The following SPAG17 variants were observed in gnomAD, a reference collection of about 807,000 sequenced individuals.
SPAG17 encodes the protein sperm-associated antigen 17.
In SPAG17, 169 loss-of-function variants were observed where a neutral mutation model predicts 273.6. That is an observed-to-expected ratio of 0.62 (90% CI 0.55 to 0.70). The LOEUF (loss-of-function observed/expected upper bound fraction) is 0.70, where lower values mean the gene tolerates loss of function less well. Ranked by LOEUF, SPAG17 falls within the 30% of genes least tolerant of loss-of-function variation. SPAG17 has a pLI of 0.00. For synonymous variants in SPAG17, 825 were observed against 873.2 expected, an observed-to-expected ratio of 0.94 and a Z score of 0.97; for missense variants, 2,557 against 2,627.8, an observed-to-expected ratio of 0.97 and a Z score of 0.59.
At chr1:118,097,579 C>T in intron 7 of SPAG17, 91 bp downstream of exon 7, 1 of 1,028,066 alleles carries the variant, frequency 9.7e-7, no homozygotes, top group Non-Finnish European at 1.4e-6. Flanking sequence ...AATCAGCGCT[C>T]AGTAACTATC....
intron 29 of SPAG17, among the ~76,000 whole-genome samples, chr1:118,015,061 G>T (rs139649934): frequency 6.6e-6 from 1 of 151,888 alleles, no homozygotes; most frequent in Non-Finnish European, 1.5e-5. Context: ...GAGGCGGGCC[G>T]ATCACCTGAA....
At chr1:117,973,285 C>T in intron 44 of SPAG17, 140 bp downstream of exon 44, 1 of 1,064,454 alleles carries the variant, frequency 9.4e-7, no homozygotes, top group Non-Finnish European at 1.3e-6. Context: ...TAGCAGTACA[C>T]AGTGGCCGGA....
At chr1:118,118,960 G>A (rs1657258345) in intron 3 of SPAG17, among the ~76,000 whole-genome samples, 1 of 151,962 alleles carries the variant, frequency 6.6e-6, no homozygotes, top group South Asian at 2.1e-4. Context: ...TTATTTCCTT[G>A]CCTGAGGATC....
chr1:118,072,482 A>G (rs533030026), intron 17 of SPAG17, among the ~76,000 whole-genome samples: 1 of 152,328 alleles, frequency 6.6e-6, no homozygotes, highest in Admixed American at 6.5e-5. Flanking sequence ...TGGGAGAGAT[A>G]TCACTAATAC....
chr1:118,143,936 C>A (rs1387649680), intron 3 of SPAG17, among the ~76,000 whole-genome samples: 1 of 152,144 alleles, frequency 6.6e-6, no homozygotes, highest in Admixed American at 6.5e-5. Flanking sequence ...TAGCCAGCAA[C>A]CCAGTCCTTG....
At chr1:118,023,524 A>C (rs1159148226) in intron 27 of SPAG17, 61 bp from the exon 28 acceptor site, 3 of 1,517,548 alleles carry the variant, frequency 2.0e-6, no homozygotes, top group Non-Finnish European at 1.8e-6. Flanking sequence ...GTTTAACAAT[A>C]AACGCTGTGT....
intron 48 of SPAG17, chr1:117,954,471 C>T (rs1651869239): frequency 1.9e-6 from 2 of 1,079,428 alleles, no homozygotes; most frequent in Non-Finnish European, 1.3e-6. Context: ...TTTTTAGGGT[C>T]TCTTTTTTCC....
intron 40 of SPAG17, among the ~76,000 whole-genome samples, chr1:117,986,433 TTC>T (rs1432347969): frequency 1.3e-5 from 2 of 152,244 alleles, no homozygotes; most frequent in African/African-American, 4.8e-5. Flanking sequence ...CCAGTTCATT[TTC>T]CACATTGCCA....
At chr1:118,089,308 A>G (rs139851875) in intron 10 of SPAG17, among the ~76,000 whole-genome samples, 3 of 131,760 alleles carry the variant, frequency 2.3e-5, no homozygotes, top group Non-Finnish European at 4.8e-5. Flanking sequence ...ATTTGAGGAA[A>G]AACCAGAAGG....
intron 20 of SPAG17, among the ~76,000 whole-genome samples, chr1:118,051,494 C>A (rs1375512407): frequency 2.0e-5 from 3 of 151,240 alleles, no homozygotes; most frequent in African/African-American, 7.3e-5. Context: ...TCAACCATAT[C>A]TAGGACGCTT....
At chr1:117,991,231 C>T (rs116488378) in intron 37 of SPAG17, among the ~76,000 whole-genome samples, 184 bp downstream of exon 37, 2,353 of 152,100 alleles carry the variant, frequency 0.015, 29 homozygotes, top group Non-Finnish European at 0.026. Context: ...TTATGAAGAG[C>T]CTAAAATGTA....
chr1:118,171,036 G>A lies in SPAG17; in HGVS notation c.87+14035C>T, dbSNP rs138972267. 1.5e-3 allele frequency among the ~76,000 whole-genome samples: 221 copies of A among 152,274 alleles called. 1 individual carries two copies. The highest frequency in any genetic ancestry group is 5.0e-3 in the African/African-American group (209 of 41,552). On this transcript the variant is annotated intron_variant, in intron 1 of 48. Transcript: ENST00000336338. ...TGAGAAATAGGTAATTCCAAGATGA[G>A]TAGAAGTAAAGGGCTCTTTTAAAAA...
In SPAG17 at chr1:118,081,237, A is replaced by G. The variant is rs1186312775; in HGVS notation, c.2073T>C (p.Pro691=). The change falls in exon 15 of 49, where the codon CCT becomes CCC. Residue 691 remains proline, a synonymous_variant. Coordinates refer to ENST00000336338, the MANE Select transcript of SPAG17 (RefSeq NM_206996.4). ...TAGCATCACACTGACTAGGATCTGAAGGTTCTCGGTTGCTTTCATTATCTT... is the reference window on the plus strand; with the variant it reads ...TAGCATCACACTGACTAGGATCTGAGGGTTCTCGGTTGCTTTCATTATCTT... ...SVQDNESNRE[P]SDPSQCDANN... The G allele has an allele frequency of 6.2e-7, 1 of 1,613,972 alleles. No homozygotes were observed. The highest frequency in any genetic ancestry group is 1.3e-5 in the African/African-American group (1 of 74,912).
At chr1:118,102,105 G>T (rs1408544988) in intron 4 of SPAG17, among the ~76,000 whole-genome samples, 179 bp from the exon 5 acceptor site, 1 of 152,148 alleles carries the variant, frequency 6.6e-6, no homozygotes, top group Admixed American at 6.5e-5. Context: ...TTGTGACAAG[G>T]CACATTTATG....
chr1:118,073,187 G>A (rs555441096), intron 17 of SPAG17, among the ~76,000 whole-genome samples: 21 of 152,266 alleles, frequency 1.4e-4, no homozygotes, highest in African/African-American at 4.8e-4. Context: ...TTTAGGTTTG[G>A]GATTACTTGT....
chr1:118,106,870 G>A lies in SPAG17; in HGVS notation c.448-4944C>T, dbSNP rs558718393. ...TAGGTAGGGTGTGAGAGCCTGTGCA[G>A]CCACATAAGTCTCATCCCTTTGAAG... On this transcript the variant is annotated intron_variant, in intron 4 of 48. Coordinates refer to ENST00000336338, the MANE Select transcript of SPAG17 (RefSeq NM_206996.4). Among the ~76,000 whole-genome samples the A allele has an allele frequency of 4.6e-5, 7 of 152,300 alleles. No homozygotes were observed. The South Asian group carries it at 6.2e-4, about 14-fold the overall frequency.
At chr1:118,113,325 A>G (rs1443110796) in intron 4 of SPAG17, among the ~76,000 whole-genome samples, 2 of 152,134 alleles carry the variant, frequency 1.3e-5, no homozygotes, top group African/African-American at 2.4e-5. Context: ...AATCCACAGC[A>G]TGGTGTCAGT....
chr1:117,983,092 T>A (rs1656013692), intron 42 of SPAG17, among the ~76,000 whole-genome samples: 1 of 152,160 alleles, frequency 6.6e-6, no homozygotes, highest in Admixed American at 6.5e-5. Flanking sequence ...CAGTTCCACA[T>A]AGCTGGGGAG....
chr1:118,181,847 G>C (rs1272354277), intron 1 of SPAG17, among the ~76,000 whole-genome samples: 3 of 152,156 alleles, frequency 2.0e-5, no homozygotes, highest in African/African-American at 4.8e-5. Flanking sequence ...TGGGCACAGT[G>C]GCTTAATCCT....
Sources: allele counts gnomAD v4.1 joint callset (sites outside exome capture counted in the v4.1 genomes callset), GRCh38; gene constraint gnomAD v4.1.1; transcripts MANE v1.5; gene names NCBI Gene and HGNC (gene_info 2026-07-23, HGNC 2026-07-21).